Variants in KCTD16 observed in about 807,000 individuals in gnomAD.
KCTD16 encodes the protein potassium channel tetramerization domain containing 16.
In KCTD16, 13 loss-of-function variants were observed where a neutral mutation model predicts 33.2. The observed-to-expected ratio is 0.39, with a 90% CI of 0.25 to 0.62. The LOEUF is 0.62. Ranked by LOEUF, KCTD16 falls within the 20% of genes least tolerant of loss-of-function variation. The pLI is 0.50. For missense variants in KCTD16, 441 were observed against 525.1 expected, an observed-to-expected ratio of 0.84 and a Z score of 1.57; for synonymous variants, 197 against 195.3, an observed-to-expected ratio of 1.01 and a Z score of -0.07.
chr5:144,264,000 C>T (rs1477137247), intron 3 of KCTD16, among the ~76,000 whole-genome samples: 1 of 152,174 alleles, frequency 6.6e-6, no homozygotes, highest in African/African-American at 2.4e-5. Flanking sequence ...TCATCTAAAC[C>T]TTGTTACCTC....
intron 1 of KCTD16, among the ~76,000 whole-genome samples, chr5:144,172,364 G>A (rs1262669038): frequency 6.6e-6 from 1 of 152,092 alleles, no homozygotes; most frequent in Non-Finnish European, 1.5e-5. Flanking sequence ...ATGAAATCTG[G>A]GTAATTGAGA....
intron 3 of KCTD16, among the ~76,000 whole-genome samples, chr5:144,316,782 G>T (rs1390975283): frequency 2.7e-5 from 4 of 150,580 alleles, no homozygotes; most frequent in African/African-American, 9.8e-5. Context: ...CAAAATGCTG[G>T]GATTACAGGT....
intron 3 of KCTD16, among the ~76,000 whole-genome samples, chr5:144,472,782 A>G (rs1462530644): frequency 6.6e-6 from 1 of 152,250 alleles, no homozygotes; most frequent in Admixed American, 6.5e-5. Context: ...ACTATAATTC[A>G]GAGAGGAGAA....
intron 3 of KCTD16, among the ~76,000 whole-genome samples, chr5:144,330,896 G>A (rs1451016208): frequency 6.6e-6 from 1 of 152,140 alleles, no homozygotes; most frequent in African/African-American, 2.4e-5. Context: ...GGATAGACAG[G>A]CAAAGAAACA....
intron 2 of KCTD16, among the ~76,000 whole-genome samples, chr5:144,190,786 C>G (rs1580776804): frequency 6.6e-6 from 1 of 152,222 alleles, no homozygotes; most frequent in East Asian, 1.9e-4. Flanking sequence ...CATTTATTGT[C>G]TAGAATGTGA....
rs566866392 is a variant in KCTD16 at position 144,267,855 on chromosome 5, T to C, written c.832+60309T>C. On this transcript the variant is annotated intron_variant, in intron 3 of 3. Coordinates refer to ENST00000512467, the MANE Select transcript of KCTD16 (RefSeq NM_020768.4). Reference sequence around the variant, plus strand: ...AAGCACCATTTGCAAAATAAACTCATCTGAAGGCTTCCACAGGGAATTTCC... The same window carrying C: ...AAGCACCATTTGCAAAATAAACTCACCTGAAGGCTTCCACAGGGAATTTCC... 4.6e-5 allele frequency among the ~76,000 whole-genome samples: 7 copies of C among 152,266 alleles called. No homozygotes were observed. In the South Asian group the frequency reaches 1.2e-3, roughly 27 times the overall value.
rs371320008 is a variant in KCTD16, at chr5:144,269,205, C to A, written c.832+61659C>A. ...GAAGAAATAATGTCTGAAAACTTCC[C>A]AAATTTGATAAAAGACATGAATGTA... On this transcript the variant is annotated intron_variant, in intron 3 of 3. Transcript: ENST00000512467. 5.4e-4 allele frequency among the ~76,000 whole-genome samples: 82 copies of A among 151,918 alleles called. 1 individual carries two copies. In the East Asian group the frequency reaches 0.01, roughly 19 times the overall value.
At chr5:144,189,520 A>G (rs1752799218) in intron 2 of KCTD16, among the ~76,000 whole-genome samples, 1 of 152,046 alleles carries the variant, frequency 6.6e-6, no homozygotes, top group Non-Finnish European at 1.5e-5. Context: ...AGAAAAAAGA[A>G]AAAGAAAATG....
chr5:144,247,686 T>C (rs1382650980), intron 3 of KCTD16, among the ~76,000 whole-genome samples: 2 of 152,230 alleles, frequency 1.3e-5, no homozygotes, highest in Non-Finnish European at 1.5e-5. Flanking sequence ...TTACCTACTT[T>C]ACAGGGTAAT....
chr5:144,257,899 C>T (rs1271461335), intron 3 of KCTD16, among the ~76,000 whole-genome samples: 1 of 152,156 alleles, frequency 6.6e-6, no homozygotes, highest in Non-Finnish European at 1.5e-5. Context: ...CCACCAAGCT[C>T]TAAGAGTTCA....
At chr5:144,181,971 G>A (rs1345642273) in intron 2 of KCTD16, among the ~76,000 whole-genome samples, 1 of 151,914 alleles carries the variant, frequency 6.6e-6, no homozygotes, top group Non-Finnish European at 1.5e-5. Context: ...GCACGTGCCT[G>A]TAATTCCAGC....
chr5:144,431,759 C>A (rs1753468100), intron 3 of KCTD16, among the ~76,000 whole-genome samples: 1 of 152,200 alleles, frequency 6.6e-6, no homozygotes, highest in Admixed American at 6.6e-5. Context: ...TGTTTTTATT[C>A]CGACACAATA....
intron 3 of KCTD16, among the ~76,000 whole-genome samples, chr5:144,326,396 T>C (rs1752208941): frequency 6.6e-6 from 1 of 152,162 alleles, no homozygotes; most frequent in African/African-American, 2.4e-5. Context: ...CTATTGATAG[T>C]ATAAATTTTT....
intron 3 of KCTD16, among the ~76,000 whole-genome samples, chr5:144,236,590 C>T (rs543084365): frequency 3.1e-4 from 47 of 151,928 alleles, no homozygotes; most frequent in Non-Finnish European, 5.4e-4. Context: ...CTAAAGATTA[C>T]GAAAGGTGCC....
At position 144,228,871 on chromosome 5, in the gene KCTD16, A is replaced by G. The variant is rs145183248; in HGVS notation, c.832+21325A>G. On this transcript the variant is annotated intron_variant, in intron 3 of 3. Transcript: ENST00000512467. ...TAATATGTACATATAGTACCTACGT[A>G]TAGTAATATAGTACATGTAGTAATA... Among the ~76,000 whole-genome samples, 24 of 152,350 alleles carry G rather than the reference A, an allele frequency of 1.6e-4. No homozygotes were observed. The East Asian group carries it at 4.6e-3, about 29-fold the overall frequency.
chr5:144,340,933 C>T (rs1479893210), intron 3 of KCTD16, among the ~76,000 whole-genome samples: 1 of 151,702 alleles, frequency 6.6e-6, no homozygotes, highest in East Asian at 1.9e-4. Flanking sequence ...GCCTGTAATC[C>T]CAGCTACTAG....
intron 3 of KCTD16, among the ~76,000 whole-genome samples, chr5:144,473,237 G>A (rs989591205): frequency 2.6e-5 from 4 of 152,116 alleles, no homozygotes; most frequent in African/African-American, 9.7e-5. Context: ...AAAGCTGACT[G>A]TGAGAGAGAT....
chr5:144,210,414 G>A (rs1233520055), intron 3 of KCTD16, among the ~76,000 whole-genome samples: 1 of 152,148 alleles, frequency 6.6e-6, no homozygotes, highest in Non-Finnish European at 1.5e-5. Flanking sequence ...TAATATGAGT[G>A]ATAGAGGAAC....
At chr5:144,346,857 T>G (rs922340157) in intron 3 of KCTD16, among the ~76,000 whole-genome samples, 2 of 152,192 alleles carry the variant, frequency 1.3e-5, no homozygotes, top group Non-Finnish European at 2.9e-5. Context: ...GCGTTTTAAC[T>G]TGATGTGACC....
Sources: gnomAD v4.1 joint callset for allele counts (sites outside exome capture counted in the v4.1 genomes callset) on GRCh38, gnomAD v4.1.1 for gene constraint, MANE v1.5 for transcripts, NCBI Gene and HGNC (gene_info 2026-07-23, HGNC 2026-07-21) for gene names.